ABCA13: variants seen among roughly 807,000 people sequenced by gnomAD.
ABCA13 encodes the protein ATP binding cassette subfamily A member 13.
ABCA13 carries 476 observed loss-of-function variants against 478.7 expected under a neutral mutation model. The observed-to-expected ratio is 0.99, with a 90% CI of 0.92 to 1.07. The LOEUF is 1.07. Ranked by LOEUF, ABCA13 falls within the 50% of genes least tolerant of loss-of-function variation. The probability of loss-of-function intolerance (pLI) is 0.00; values close to 1 mark genes in which losing one functional copy is unlikely to be tolerated. For missense variants in ABCA13, 6,060 were observed against 5,910.6 expected (o/e 1.03, Z -0.83); for synonymous variants, 2,252 against 2,158.9 (o/e 1.04, Z -1.20).
chr7:48,368,668 G>GGT (rs1039890791), intron 32 of ABCA13, among the ~76,000 whole-genome samples: 15 of 124,054 alleles, frequency 1.2e-4, no homozygotes, highest in Middle Eastern at 9.0e-3. Flanking sequence ...TATATCCCAT[G>GGT]GTGTGTGTGT....
intron 27 of ABCA13, among the ~76,000 whole-genome samples, chr7:48,325,974 A>G (rs1371615356): frequency 6.6e-6 from 1 of 152,190 alleles, no homozygotes; most frequent in Non-Finnish European, 1.5e-5. Context: ...CACTTTTCAA[A>G]TCTGCAAGGC....
intron 59 of ABCA13, among the ~76,000 whole-genome samples, chr7:48,615,709 A>G (rs1011644185): frequency 3.9e-5 from 6 of 152,214 alleles, no homozygotes; most frequent in Non-Finnish European, 7.3e-5. Context: ...TCCTCTTTAC[A>G]CACAAAATGC....
intron 59 of ABCA13, among the ~76,000 whole-genome samples, chr7:48,633,767 T>A (rs1164935325): frequency 6.6e-6 from 1 of 150,970 alleles, no homozygotes; most frequent in East Asian, 2.0e-4. Context: ...CACGCACCTA[T>A]AATCCCAGCT....
At chr7:48,465,190 A>G (rs1411982785) in intron 43 of ABCA13, among the ~76,000 whole-genome samples, 1 of 152,216 alleles carries the variant, frequency 6.6e-6, no homozygotes, top group African/African-American at 2.4e-5. Flanking sequence ...GAAGCCATTG[A>G]TACATTTTGA....
intron 15 of ABCA13, among the ~76,000 whole-genome samples, chr7:48,255,459 CCT>C (rs1383408981): frequency 6.6e-6 from 1 of 151,848 alleles, no homozygotes; most frequent in East Asian, 1.9e-4. Flanking sequence ...CTTGCCCACC[CCT>C]CTTTCCCTAA....
intron 48 of ABCA13, among the ~76,000 whole-genome samples, chr7:48,491,682 A>C (rs1284818833): frequency 6.6e-6 from 1 of 152,234 alleles, no homozygotes; most frequent in African/African-American, 2.4e-5. Flanking sequence ...TATACAATAC[A>C]TAGCACCACA....
chr7:48,374,759 T>C (rs1469606464), intron 34 of ABCA13, among the ~76,000 whole-genome samples: 1 of 152,178 alleles, frequency 6.6e-6, no homozygotes, highest in Non-Finnish European at 1.5e-5. Context: ...ATCTGTTAGA[T>C]CAGGGGTCCC....
intron 32 of ABCA13, among the ~76,000 whole-genome samples, chr7:48,370,849 CA>C: frequency 6.6e-6 from 1 of 152,156 alleles, no homozygotes; most frequent in African/African-American, 2.4e-5. Context: ...AATAGAAACC[CA>C]AACCTAGCAG....
intron 59 of ABCA13, among the ~76,000 whole-genome samples, chr7:48,632,078 G>A (rs937165084): frequency 6.6e-6 from 1 of 152,118 alleles, no homozygotes; most frequent in Admixed American, 6.6e-5. Context: ...GGAGTCTTTA[G>A]TGTTTTCTAG....
chr7:48,227,198 G>A (rs1457826956), intron 5 of ABCA13, 64 bp from the exon 6 acceptor site: 6 of 1,574,486 alleles, frequency 3.8e-6, no homozygotes, highest in Non-Finnish European at 5.2e-6. Flanking sequence ...GCATCTGTCT[G>A]TCTCATTTAC....
chr7:48,613,472 G>A (rs1792232826), intron 58 of ABCA13, among the ~76,000 whole-genome samples: 1 of 152,166 alleles, frequency 6.6e-6, no homozygotes, highest in African/African-American at 2.4e-5. Context: ...TTACAGGCAT[G>A]AGCCACCACG....
chr7:48,373,077 C>A (rs1812911404), intron 33 of ABCA13, among the ~76,000 whole-genome samples: 5 of 152,170 alleles, frequency 3.3e-5, no homozygotes. Flanking sequence ...CGAGGGTGAA[C>A]CATCACTATT....
At chr7:48,245,450 C>T in intron 11 of ABCA13, 62 bp from the exon 12 acceptor site, 2 of 1,265,268 alleles carry the variant, frequency 1.6e-6, no homozygotes, top group South Asian at 1.5e-5. Flanking sequence ...GATTCATGGC[C>T]ATGTATAAAA....
chr7:48,241,886 G>A (rs76517068), intron 10 of ABCA13, among the ~76,000 whole-genome samples: 9,959 of 152,150 alleles, frequency 0.065, 392 homozygotes, highest in East Asian at 0.18. Context: ...GCTTTTGAAG[G>A]TCCTATTTCC....
chr7:48,590,881 T>C (rs1264719511), intron 57 of ABCA13, among the ~76,000 whole-genome samples: 1 of 152,148 alleles, frequency 6.6e-6, no homozygotes. Context: ...TAACCCCTTA[T>C]TGGATATATG....
chr7:48,363,224 G>A (rs1228457907), intron 31 of ABCA13, among the ~76,000 whole-genome samples: 1 of 152,036 alleles, frequency 6.6e-6, no homozygotes, highest in East Asian at 1.9e-4. Flanking sequence ...ATATTTGAAG[G>A]ACATCTTGGC....
intron 55 of ABCA13, among the ~76,000 whole-genome samples, chr7:48,537,017 T>C (rs1287467557): frequency 6.6e-6 from 1 of 152,196 alleles, no homozygotes; most frequent in South Asian, 2.1e-4. Flanking sequence ...TCTCCTAAAA[T>C]TTGTATTTCC....
intron 24 of ABCA13, 55 bp from the exon 25 acceptor site, chr7:48,313,012 G>T (rs1365227417): frequency 1.4e-6 from 2 of 1,463,706 alleles, no homozygotes; most frequent in Non-Finnish European, 1.8e-6. Context: ...GCTTCTGAGT[G>T]TAAAAATACA....
intron 38 of ABCA13, among the ~76,000 whole-genome samples, chr7:48,403,355 A>T (rs943388104): frequency 1.3e-5 from 2 of 152,170 alleles, no homozygotes; most frequent in African/African-American, 4.8e-5. Flanking sequence ...CTGTAGAGGG[A>T]TGCAGGGCCC....
Sources: allele counts gnomAD v4.1 joint callset (sites outside exome capture counted in the v4.1 genomes callset), GRCh38; gene constraint gnomAD v4.1.1; transcripts MANE v1.5; gene names NCBI Gene and HGNC (gene_info 2026-07-23, HGNC 2026-07-21).